The following ELOVL6 variants were observed in gnomAD, a reference collection of about 807,000 sequenced individuals.
ELOVL6 encodes the protein ELOVL fatty acid elongase 6.
In ELOVL6, 8 loss-of-function variants were observed where a neutral mutation model predicts 31.7. The observed-to-expected ratio is 0.25, with a 90% confidence interval of 0.15 to 0.45. ELOVL6 has a LOEUF of 0.45. Among genes scored for constraint, ELOVL6 ranks in the 20% least tolerant of loss-of-function variants. The pLI is 1.00. For missense variants in ELOVL6, 126 were observed against 326.4 expected, an observed-to-expected ratio of 0.39 and a Z score of 4.73; for synonymous variants, 101 against 117.7, an observed-to-expected ratio of 0.86 and a Z score of 0.92.
At chr4:110,122,189 A>G (rs1757375908) in intron 1 of ELOVL6, among the ~76,000 whole-genome samples, 2 of 152,352 alleles carry the variant, frequency 1.3e-5, no homozygotes, top group South Asian at 4.1e-4. Flanking sequence ...AGTGTGCAAG[A>G]CTATATAAAA....
At chr4:110,077,532 A>T (rs1755680539) in intron 2 of ELOVL6, among the ~76,000 whole-genome samples, 1 of 152,224 alleles carries the variant, frequency 6.6e-6, no homozygotes, top group South Asian at 2.1e-4. Context: ...GTGGGTCCTG[A>T]CTGTTAGAAG....
chr4:110,120,879 C>T (rs1379870811), intron 1 of ELOVL6, among the ~76,000 whole-genome samples: 2 of 146,994 alleles, frequency 1.4e-5, no homozygotes, highest in Non-Finnish European at 3.0e-5. Context: ...TGGCTCACTG[C>T]AACCTCTGCC....
At chr4:110,172,011 C>T (rs1758963788) in intron 1 of ELOVL6, among the ~76,000 whole-genome samples, 1 of 152,094 alleles carries the variant, frequency 6.6e-6, no homozygotes. Flanking sequence ...TTATAATAAA[C>T]TAATACATGT....
chr4:110,088,297 C>A (rs185682138), intron 2 of ELOVL6, among the ~76,000 whole-genome samples: 1 of 152,246 alleles, frequency 6.6e-6, no homozygotes, highest in African/African-American at 2.4e-5. Flanking sequence ...GTGCAGATAA[C>A]CCCAAGTGAA....
intron 2 of ELOVL6, among the ~76,000 whole-genome samples, chr4:110,094,749 A>T (rs969846530): frequency 6.6e-6 from 1 of 151,970 alleles, no homozygotes; most frequent in African/African-American, 2.4e-5. Context: ...TGATGCATGT[A>T]TGCATGTTCA....
chr4:110,085,467 A>G (rs1421880291), intron 2 of ELOVL6, among the ~76,000 whole-genome samples: 1 of 152,216 alleles, frequency 6.6e-6, no homozygotes, highest in African/African-American at 2.4e-5. Flanking sequence ...TAAGTGTGCC[A>G]TAGTTGACCA....
intron 2 of ELOVL6, among the ~76,000 whole-genome samples, chr4:110,085,902 A>G (rs953083472): frequency 2.0e-5 from 3 of 152,170 alleles, no homozygotes; most frequent in African/African-American, 7.2e-5. Context: ...CTTTTTGTAG[A>G]GATGGGGTTT....
intron 1 of ELOVL6, among the ~76,000 whole-genome samples, chr4:110,156,377 C>T (rs1364951295): frequency 6.6e-6 from 1 of 152,092 alleles, no homozygotes; most frequent in East Asian, 1.9e-4. Context: ...CATCTAAAAT[C>T]TTACTAAATA....
chr4:110,180,811 T>C (rs1424899277), intron 1 of ELOVL6, among the ~76,000 whole-genome samples: 1 of 152,166 alleles, frequency 6.6e-6, no homozygotes, highest in Non-Finnish European at 1.5e-5. Flanking sequence ...GAACAAAAAA[T>C]AGCCAAGAGC....
chr4:110,051,001 CT>C lies in ELOVL6; in HGVS notation c.*336del. On this transcript the variant is annotated 3_prime_UTR_variant, in exon 4 of 4. Transcript: ENST00000302274. This position sits in a 1 kb window ranked among gnomAD's most constrained non-coding sequence, Gnocchi z 4.8. ...TGACACTTAGTAAATACATTTTTTC[CT>C]ATGTGTTAATAGCCTTTGTTTGCCT... is the stretch of plus-strand genomic sequence containing the variant. The C allele has an allele frequency of 4.4e-6, 1 of 229,186 alleles. No individual in the cohort carries two copies. Among genetic ancestry groups the C allele is most frequent in the Non-Finnish European group, 8.6e-6 (1 of 116,174 alleles). 14.2% of individuals were successfully genotyped at this position (229,186 alleles called of 1,614,324 possible).
At chr4:110,070,450 A>T (rs1755435939) in intron 2 of ELOVL6, among the ~76,000 whole-genome samples, 1 of 152,184 alleles carries the variant, frequency 6.6e-6, no homozygotes. Context: ...GAAAACTATT[A>T]ATCTCTTTCA....
Position 110,084,366 on chromosome 4 carries a change from T to A in ELOVL6, c.221+21131A>T, listed in dbSNP as rs1422147041. On this transcript the variant is annotated intron_variant, in intron 2 of 3. Transcript: ENST00000302274. Reference sequence around the variant, plus strand: ...TATGATATATGATATATACCGCATATATGATATATGATATATATCGCATAT... The same window carrying A: ...TATGATATATGATATATACCGCATAAATGATATATGATATATATCGCATAT... 5.3e-4 allele frequency among the ~76,000 whole-genome samples: 26 copies of A among 49,068 alleles called. 3 individuals are homozygous for A. The highest frequency in any genetic ancestry group is 3.2e-3 in the African/African-American group (26 of 8,100). 32.2% of individuals were successfully genotyped at this position (49,068 alleles called of 152,430 possible). A position where few individuals can be genotyped will look rare whatever the true frequency, so the allele number is the denominator to read the frequency against.
At chr4:110,128,836 A>G (rs1757585969) in intron 1 of ELOVL6, among the ~76,000 whole-genome samples, 1 of 152,242 alleles carries the variant, frequency 6.6e-6, no homozygotes, top group East Asian at 1.9e-4. Flanking sequence ...GAAAACAGTC[A>G]TCCATATTTC....
chr4:110,083,932 A>ATATATATAACATATGTTATATAT (rs1755971342), intron 2 of ELOVL6, among the ~76,000 whole-genome samples: 1 of 18,558 alleles, frequency 5.4e-5, no homozygotes, highest in East Asian at 1.1e-3. Flanking sequence ...TAATATATAT[A>ATATATATAACATATGTTATATAT]GAGATATATA....
At chr4:110,161,625 TC>T (rs2126269497) in intron 1 of ELOVL6, among the ~76,000 whole-genome samples, 1 of 152,272 alleles carries the variant, frequency 6.6e-6, no homozygotes, top group South Asian at 2.1e-4. Flanking sequence ...TTAAAATGGC[TC>T]CCAAGCTTAC....
intron 1 of ELOVL6, among the ~76,000 whole-genome samples, chr4:110,155,553 G>T (rs1389290216): frequency 6.6e-6 from 1 of 152,006 alleles, no homozygotes; most frequent in East Asian, 1.9e-4. Context: ...CTATGCGATT[G>T]AGCTTTTTTG....
chr4:110,098,809 C>T (rs6824633), intron 2 of ELOVL6, among the ~76,000 whole-genome samples: 81,756 of 151,920 alleles, frequency 0.54, 25,034 homozygotes, highest in African/African-American at 0.82. Context: ...ATTTATAATG[C>T]GTTTTTCATA....
At chr4:110,183,614 T>C (rs1254177121) in intron 1 of ELOVL6, among the ~76,000 whole-genome samples, 1 of 104,684 alleles carries the variant, frequency 9.6e-6, no homozygotes, top group African/African-American at 3.0e-5. Flanking sequence ...ACAGATCTAT[T>C]TTTTTTTTAC....
chr4:110,151,640 A>G (rs1237745129), intron 1 of ELOVL6, among the ~76,000 whole-genome samples: 1 of 152,214 alleles, frequency 6.6e-6, no homozygotes, highest in African/African-American at 2.4e-5. Flanking sequence ...AATGATGTTG[A>G]GATTTGACAT....
Sources: allele counts gnomAD v4.1 joint callset (sites outside exome capture counted in the v4.1 genomes callset), GRCh38; gene constraint gnomAD v4.1.1; non-coding constraint Gnocchi (gnomAD v3.1); transcripts MANE v1.5; gene names NCBI Gene and HGNC (gene_info 2026-07-23, HGNC 2026-07-21).